The following CASK variants were observed in gnomAD, a reference collection of about 807,000 sequenced individuals.
CASK encodes calcium/calmodulin dependent serine protein kinase.
CASK carries 4 observed loss-of-function variants against 82.9 expected under a neutral mutation model. The ratio of observed to expected loss-of-function variants is 0.05; its 90% confidence interval spans 0.02 to 0.11. CASK has a LOEUF of 0.11. CASK is among the 10% of genes least tolerant of loss of function. CASK has a pLI of 1.00. For synonymous variants in CASK, 259 were observed against 253.5 expected, an observed-to-expected ratio of 1.02 and a Z score of -0.20; for missense variants, 358 against 720.9, an observed-to-expected ratio of 0.50 and a Z score of 5.76.
chrX:41,825,021 G>T (rs897096661), intron 2 of CASK, among the ~76,000 whole-genome samples: 4 of 111,825 alleles, frequency 3.6e-5, no homozygotes, highest in African/African-American at 1.3e-4. Flanking sequence ...TATTACAACA[G>T]GGTGACTACA....
chrX:41,574,534 G>C (rs1291552152), intron 15 of CASK, among the ~76,000 whole-genome samples: 1 of 111,778 alleles, frequency 8.9e-6, no homozygotes, highest in Non-Finnish European at 1.9e-5. Flanking sequence ...CTATTCTACA[G>C]AGTGGATTAC....
chrX:41,770,314 ATCCATCCAT>A (rs760759984), intron 3 of CASK, among the ~76,000 whole-genome samples: 4,612 of 75,221 alleles, frequency 0.061, 166 homozygotes, highest in African/African-American at 0.097. Context: ...CTACCTACCT[ATCCATCCAT>A]CCATCCATCC....
At chrX:41,747,687 C>T (rs1448750617) in intron 3 of CASK, among the ~76,000 whole-genome samples, 2 of 112,058 alleles carry the variant, frequency 1.8e-5, no homozygotes, top group Admixed American at 9.5e-5. Context: ...GTGATCCGCC[C>T]GCCTTGGCCT....
chrX:41,814,265 ATCATGCTGC>A lies in CASK; in HGVS notation c.173-26991_173-26983del, dbSNP rs1160078385. Among the ~76,000 whole-genome samples, 4 of 111,974 alleles carry A rather than the reference ATCATGCTGC, an allele frequency of 3.6e-5. No homozygotes were observed. The South Asian group carries it at 1.5e-3, about 43-fold the overall frequency. On this transcript the variant is annotated intron_variant, in intron 2 of 26. Transcript: ENST00000378163. Reference sequence around the variant, plus strand: ...TGGGTATATACCTAAAGGATTAAACATCATGCTGCTATAAAGACACATGCACAAGTATGT... The same window carrying A: ...TGGGTATATACCTAAAGGATTAAACATATAAAGACACATGCACAAGTATGT...
At chrX:41,912,790 T>TTATATATATATATATATATATA (rs202164173) in intron 1 of CASK, among the ~76,000 whole-genome samples, 3 of 97,952 alleles carry the variant, frequency 3.1e-5, no homozygotes, top group Non-Finnish European at 6.2e-5. Flanking sequence ...TGCAAGTAAT[T>TTATATATATATATATATATATA]TATATATATA....
At position 41,713,333 on chromosome X, in the gene CASK, G is replaced by A. The variant is rs1218448381; in HGVS notation, c.429+26051C>T. Among the ~76,000 whole-genome samples the A allele has an allele frequency of 2.7e-5, 3 of 112,340 alleles. No homozygotes were observed. The Admixed American group carries it at 2.8e-4, about 11-fold the overall frequency. On this transcript the variant is annotated intron_variant, in intron 5 of 26. Transcript: ENST00000378163. ...TGCAGTTCATTATTGAACAATCACA[G>A]ATGGAAAGGTAGATTTCCAGACACA...
intron 8 of CASK, among the ~76,000 whole-genome samples, chrX:41,639,675 A>G (rs149287868): frequency 7.8e-4 from 87 of 111,577 alleles, no homozygotes; most frequent in African/African-American, 2.7e-3. Context: ...CAACCATAAA[A>G]CCATTACCAT....
intron 2 of CASK, among the ~76,000 whole-genome samples, chrX:41,799,907 G>C (rs1296951438): frequency 2.8e-5 from 3 of 107,471 alleles, no homozygotes; most frequent in Non-Finnish European, 5.8e-5. Context: ...GGATTTGGCA[G>C]CTAGTAAACA....
At chrX:41,544,972 T>A (rs1489789217) in intron 21 of CASK, among the ~76,000 whole-genome samples, 2 of 111,668 alleles carry the variant, frequency 1.8e-5, no homozygotes, top group African/African-American at 6.5e-5. Flanking sequence ...TATTACCTTC[T>A]CAAAGTTTAT....
At chrX:41,748,674 G>C (rs912148304) in intron 3 of CASK, 5 of 122,534 alleles carry the variant, frequency 4.1e-5, no homozygotes, top group African/African-American at 1.6e-4. Context: ...AAGAATTTGG[G>C]AGATGTTCTG....
chrX:41,871,778 T>C (rs1048203841), intron 1 of CASK, among the ~76,000 whole-genome samples: 1 of 111,834 alleles, frequency 8.9e-6, no homozygotes, highest in African/African-American at 3.3e-5. Context: ...AAGAGTGTGG[T>C]TAATAAATTG....
intron 8 of CASK, among the ~76,000 whole-genome samples, chrX:41,640,245 C>A (rs1004831271): frequency 9.1e-6 from 1 of 110,251 alleles, no homozygotes; most frequent in Non-Finnish European, 1.9e-5. Context: ...GCTCTGTCGC[C>A]TAGGCTGGAG....
chrX:41,767,440 T>A (rs1034261064), intron 3 of CASK, among the ~76,000 whole-genome samples: 1 of 111,847 alleles, frequency 8.9e-6, no homozygotes, highest in East Asian at 2.8e-4. Flanking sequence ...TCTAGTGTTA[T>A]CATCTTAGGT....
intron 2 of CASK, among the ~76,000 whole-genome samples, chrX:41,827,017 A>C (rs1183316726): frequency 8.9e-6 from 1 of 112,039 alleles, no homozygotes; most frequent in Non-Finnish European, 1.9e-5. Flanking sequence ...TTAAGGCAAA[A>C]AATGTTTTAA....
At chrX:41,597,595 C>T (rs1602322570) in intron 12 of CASK, among the ~76,000 whole-genome samples, 1 of 112,107 alleles carries the variant, frequency 8.9e-6, no homozygotes, top group African/African-American at 3.2e-5. Context: ...CTGTGAATTA[C>T]GTGGGTAAAT....
At chrX:41,552,198 G>C (rs541408768) in intron 21 of CASK, among the ~76,000 whole-genome samples, 1 of 109,255 alleles carries the variant, frequency 9.2e-6, no homozygotes, top group Non-Finnish European at 1.9e-5. Context: ...CGGCGTCCCA[G>C]AGTGCTAGGA....
chrX:41,818,697 TAG>T (rs2070466328), intron 2 of CASK, among the ~76,000 whole-genome samples: 1 of 111,038 alleles, frequency 9.0e-6, no homozygotes, highest in African/African-American at 3.3e-5. Flanking sequence ...TGAAACAATA[TAG>T]AGTTTTGAAA....
At position 41,789,340 on chromosome X, in the gene CASK, T is replaced by C. The variant is rs189032216; in HGVS notation, c.173-2057A>G. ...CAAGTGATGTGGTACCTGCAGAGTC[T>C]ACCAAATCAGTTGGAGAGGGCAGTG... is the stretch of plus-strand genomic sequence containing the variant. On this transcript the variant is annotated intron_variant, in intron 2 of 26. Coordinates refer to ENST00000378163, the MANE Select transcript of CASK (RefSeq NM_001367721.1). Among the ~76,000 whole-genome samples, 6 of 111,668 alleles carry C rather than the reference T, an allele frequency of 5.4e-5. No individual in the cohort carries two copies. The Admixed American group carries it at 5.7e-4, about 11-fold the overall frequency.
intron 8 of CASK, among the ~76,000 whole-genome samples, chrX:41,648,283 G>A (rs868486221): frequency 3.6e-5 from 4 of 111,314 alleles, no homozygotes; most frequent in African/African-American, 1.3e-4. Context: ...CCGCCTAATA[G>A]ATTTTAGTCA....
Sources: allele counts gnomAD v4.1 joint callset (sites outside exome capture counted in the v4.1 genomes callset), GRCh38; gene constraint gnomAD v4.1.1; transcripts MANE v1.5; gene names NCBI Gene and HGNC (gene_info 2026-07-23, HGNC 2026-07-21).